Variants in RIMBP2 observed in about 807,000 individuals in gnomAD.
The protein encoded by RIMBP2 is RIMS binding protein 2, also known as RIMS-binding protein 2.
A neutral mutation model predicts 118.6 loss-of-function variants in RIMBP2; 48 were observed. The ratio of observed to expected loss-of-function variants is 0.40; its 90% CI spans 0.32 to 0.51. The LOEUF is 0.51. Ranked by LOEUF, RIMBP2 falls within the 20% of genes least tolerant of loss-of-function variation. The probability of loss-of-function intolerance (pLI) is 0.41; values close to 1 mark genes in which losing one functional copy is unlikely to be tolerated. For synonymous variants in RIMBP2, 762 were observed against 742.9 expected (o/e 1.03, Z -0.42); for missense variants, 1,551 against 1,768.3 (o/e 0.88, Z 2.20).
rs574601940 is a variant in RIMBP2, at chr12:130,424,643, G to C, written c.2628C>G (p.Asp876Glu). The stretch of plus-strand genomic sequence containing the variant: ...GGAACCAGGAGCCCCGAGGGGCCTC[G>C]TCGCCCCTGTAGGGCCTGCCGGGCC... Reference protein sequence around the residue: ...EPRPGRPYRGDEAPRGSWFPV... With the variant: ...EPRPGRPYRGEEAPRGSWFPV... Residue 876 changes from aspartate (D) to glutamate (E), a missense_variant, in exon 16 of 23, where the codon GAC becomes GAG. Asp to Glu is a conservative substitution (Grantham distance 45). Coordinates refer to ENST00000690449, the MANE Select transcript of RIMBP2 (RefSeq NM_001393629.1). The surrounding 1 kb of genome is among the most constrained non-coding windows in gnomAD (Gnocchi z 9.8). 1 of 1,231,748 alleles carries C rather than the reference G, an allele frequency of 8.1e-7. No homozygotes were observed. The highest frequency in any genetic ancestry group is 1.0e-6 in the Non-Finnish European group (1 of 987,844). The allele number at this position is 1,231,748 out of a possible 1,614,324, so 76.3% of individuals were successfully genotyped here.
Position 130,713,283 on chromosome 12 carries a change from G to A in RIMBP2, c.-352+2939C>T, listed in dbSNP as rs115873314. 6.7e-3 allele frequency among the ~76,000 whole-genome samples: 861 copies of A among 128,920 alleles called. 16 individuals carry two copies. Among genetic ancestry groups the A allele is most frequent in the African/African-American group, 0.027 (821 of 30,628 alleles). The allele number at this position is 128,920 out of a possible 152,430, so 84.6% of individuals were successfully genotyped here. A position where few individuals can be genotyped will look rare whatever the true frequency, so the allele number is the denominator to read the frequency against. On this transcript the variant is annotated intron_variant, in intron 1 of 22. Coordinates refer to ENST00000690449, the MANE Select transcript of RIMBP2 (RefSeq NM_001393629.1). Reference sequence around the variant, plus strand: ...GAAGGAAGGAAGGAAGGACTGAGGAGTATGGTTCAGTGAAACCTTTGCACA... The same window carrying A: ...GAAGGAAGGAAGGAAGGACTGAGGAATATGGTTCAGTGAAACCTTTGCACA...
At chr12:130,556,257 T>C (rs1385080326) in intron 2 of RIMBP2, among the ~76,000 whole-genome samples, 1 of 152,230 alleles carries the variant, frequency 6.6e-6, no homozygotes, top group Admixed American at 6.5e-5. Flanking sequence ...TAAGAAGCAC[T>C]GTGGCCCAGA....
intron 1 of RIMBP2, among the ~76,000 whole-genome samples, chr12:130,639,530 T>C (rs1172757484): frequency 6.8e-6 from 1 of 148,002 alleles, no homozygotes; most frequent in African/African-American, 2.5e-5. Context: ...AAGTATCACA[T>C]TTTTTTCAAA....
chr12:130,557,288 G>A (rs2056445185), intron 2 of RIMBP2, among the ~76,000 whole-genome samples: 2 of 152,062 alleles, frequency 1.3e-5, no homozygotes, highest in Admixed American at 6.5e-5. Flanking sequence ...GGAGGACCCA[G>A]TCCTGCTGGC....
Position 130,421,841 on chromosome 12 carries a change from TG to T in RIMBP2, c.3238+611del, listed in dbSNP as rs574059015. ...CCAATAATAGAAGTATCCCCCTCCA[TG>T]GATTGATTAGGATGACTAAAACGAT... is the stretch of plus-strand genomic sequence containing the variant. On this transcript the variant is annotated intron_variant, in intron 17 of 22. Coordinates refer to ENST00000690449, the MANE Select transcript of RIMBP2 (RefSeq NM_001393629.1). Among the ~76,000 whole-genome samples, 4 of 152,230 alleles carry T rather than the reference TG, an allele frequency of 2.6e-5. No individual in the cohort carries two copies. In the South Asian group the frequency reaches 8.3e-4, roughly 32 times the overall value.
intron 2 of RIMBP2, among the ~76,000 whole-genome samples, chr12:130,597,597 C>T (rs905659660): frequency 6.6e-6 from 1 of 152,192 alleles, no homozygotes; most frequent in East Asian, 1.9e-4. Context: ...TTTAGTTTAA[C>T]ATGTGAAAAA....
intron 1 of RIMBP2, among the ~76,000 whole-genome samples, chr12:130,652,878 C>T (rs1178627132): frequency 2.6e-5 from 4 of 152,134 alleles, no homozygotes; most frequent in Admixed American, 2.0e-4. Context: ...CCCTTTTAAA[C>T]AATCAGATCT....
In RIMBP2 at chr12:130,688,834, A is replaced by G. The variant is rs1213371057; in HGVS notation, c.-352+27388T>C. Among the ~76,000 whole-genome samples the G allele has an allele frequency of 6.6e-6, 1 of 152,210 alleles. No individual in the cohort carries two copies. Among genetic ancestry groups the G allele is most frequent in the Non-Finnish European group, 1.5e-5 (1 of 68,038 alleles). ...CTGCTCAGCTGAAACGTTTCGAACC[A>G]AGTCTAAACTCTGCAAAACGCTGGC... On this transcript the variant is annotated intron_variant, in intron 1 of 22. Coordinates refer to ENST00000690449, the MANE Select transcript of RIMBP2 (RefSeq NM_001393629.1). The surrounding 1 kb of genome is among the most constrained non-coding windows in gnomAD (Gnocchi z 4.7).
At chr12:130,577,867 T>C (rs572109659) in intron 2 of RIMBP2, among the ~76,000 whole-genome samples, 4 of 152,130 alleles carry the variant, frequency 2.6e-5, no homozygotes, top group African/African-American at 4.8e-5. Context: ...CAATGGTAAT[T>C]ATGCGAAACA....
At chr12:130,591,994 G>A (rs2059300848) in intron 2 of RIMBP2, among the ~76,000 whole-genome samples, 1 of 152,226 alleles carries the variant, frequency 6.6e-6, no homozygotes, top group African/African-American at 2.4e-5. Flanking sequence ...GAGGCGTGGA[G>A]GAGGCCTGTT....
At position 130,442,589 on chromosome 12, in the gene RIMBP2, G is replaced by A. The variant is rs549158714; in HGVS notation, c.763C>T (p.Arg255Trp). 8.1e-6 allele frequency: 13 copies of A among 1,614,178 alleles called. No individual in the cohort carries two copies. Among genetic ancestry groups the A allele is most frequent in the Admixed American group, 6.7e-5 (4 of 60,028 alleles). ...FVDFVQDNES[R>W]LASTLGNEQD... ...TCGTTCCCCAGCGTGCTTGCCAACCGCGACTCGTTGTCCTGCACAAAGTCC... is the reference window on the plus strand; with the variant it reads ...TCGTTCCCCAGCGTGCTTGCCAACCACGACTCGTTGTCCTGCACAAAGTCC... Residue 255 changes from arginine (R) to tryptophan (W), a missense_variant, in exon 11 of 23, where the codon CGG becomes TGG. This residue lies in a region of RIMBP2 where 265 missense variants were observed against 349.5 expected (regional missense o/e 0.76). Coordinates refer to ENST00000690449, the MANE Select transcript of RIMBP2 (RefSeq NM_001393629.1). This position sits in a 1 kb window ranked among gnomAD's most constrained non-coding sequence, Gnocchi z 6.9.
intron 1 of RIMBP2, among the ~76,000 whole-genome samples, chr12:130,694,544 C>A (rs1459071428): frequency 6.6e-6 from 1 of 152,182 alleles, no homozygotes; most frequent in East Asian, 1.9e-4. Flanking sequence ...ATGCTGGCCT[C>A]TCTACGCTCC....
At position 130,396,614 on chromosome 12, in the gene RIMBP2, T is replaced by C. The variant is rs544302395; in HGVS notation, c.*747A>G. The stretch of plus-strand genomic sequence containing the variant: ...TGACAACGAAAGTAACAGAAAACCA[T>C]ATGCCACAGAATAGAACATTAAAAG... On this transcript the variant is annotated 3_prime_UTR_variant, in exon 23 of 23. Coordinates refer to ENST00000690449, the MANE Select transcript of RIMBP2 (RefSeq NM_001393629.1). 2.6e-5 allele frequency: 4 copies of C among 152,760 alleles called. No individual in the cohort carries two copies. Among genetic ancestry groups the C allele is most frequent in the South Asian group, 2.1e-4 (1 of 4,830 alleles). 9.5% of individuals were successfully genotyped at this position (152,760 alleles called of 1,614,324 possible). A position where few individuals can be genotyped will look rare whatever the true frequency, so the allele number is the denominator to read the frequency against.
intron 3 of RIMBP2, among the ~76,000 whole-genome samples, chr12:130,517,489 A>G (rs1180227794): frequency 6.6e-6 from 1 of 152,186 alleles, no homozygotes; most frequent in Non-Finnish European, 1.5e-5. Context: ...AGGAGGCCCC[A>G]TCATGGAGGC....
At chr12:130,537,475 T>C (rs1300764929) in intron 2 of RIMBP2, among the ~76,000 whole-genome samples, 2 of 152,152 alleles carry the variant, frequency 1.3e-5, no homozygotes, top group Non-Finnish European at 2.9e-5. Context: ...AACCCCCACA[T>C]GTTTGCCATA....
At chr12:130,405,266 A>AAAGT (rs1304390589) in intron 21 of RIMBP2, among the ~76,000 whole-genome samples, 1 of 152,354 alleles carries the variant, frequency 6.6e-6, no homozygotes. Context: ...CACATGTGAC[A>AAAGT]AAGTATGAAT....
rs141750024 is a variant in RIMBP2 at position 130,688,293 on chromosome 12, GA to G, written c.-352+27928del. Among the ~76,000 whole-genome samples the G allele has an allele frequency of 5.7e-3, 875 of 152,210 alleles. 7 individuals are homozygous for G. The highest frequency in any genetic ancestry group is 0.02 in the African/African-American group (828 of 41,550). On this transcript the variant is annotated intron_variant, in intron 1 of 22. Transcript: ENST00000690449. The surrounding 1 kb of genome is among the most constrained non-coding windows in gnomAD (Gnocchi z 4.7). ...CCCGGCAGACCCTCCTGCTGTTTCT[GA>G]ACTCCTCACCTCCAGCCTTTCTAGC...
chr12:130,544,411 G>A (rs1315121380), intron 2 of RIMBP2, among the ~76,000 whole-genome samples: 1 of 152,132 alleles, frequency 6.6e-6, no homozygotes, highest in Non-Finnish European at 1.5e-5. Flanking sequence ...TTGATGCTGA[G>A]ATACAGTAAG....
intron 1 of RIMBP2, among the ~76,000 whole-genome samples, chr12:130,631,853 G>A (rs953403382): frequency 6.6e-6 from 1 of 152,156 alleles, no homozygotes; most frequent in Non-Finnish European, 1.5e-5. Context: ...TTACATGCAT[G>A]CACTTTCAAG....
Sources: allele counts gnomAD v4.1 joint callset (sites outside exome capture counted in the v4.1 genomes callset), GRCh38; gene constraint gnomAD v4.1.1; regional missense constraint gnomAD v4.1.1; non-coding constraint Gnocchi (gnomAD v3.1); transcripts MANE v1.5; gene names NCBI Gene and HGNC (gene_info 2026-07-23, HGNC 2026-07-21).